KANSL1: variants seen among roughly 807,000 people sequenced by gnomAD.
KANSL1 encodes KAT8 regulatory NSL complex subunit 1.
Under a neutral mutation model 103.6 loss-of-function variants are expected in KANSL1, and 22 were observed. The ratio of observed to expected loss-of-function variants is 0.21; its 90% confidence interval spans 0.15 to 0.30. The LOEUF is 0.30. KANSL1 is among the 10% of genes least tolerant of loss of function. The probability of loss-of-function intolerance (pLI) is 1.00; values close to 1 mark genes in which losing one functional copy is unlikely to be tolerated. For synonymous variants in KANSL1, 600 were observed against 527.6 expected (o/e 1.14, Z -1.88); for missense variants, 1,337 against 1,399.8 (o/e 0.96, Z 0.72).
intron 4 of KANSL1, among the ~76,000 whole-genome samples, chr17:46,077,109 T>C (rs1345878565): frequency 2.0e-5 from 3 of 152,228 alleles, no homozygotes; most frequent in East Asian, 3.8e-4. Context: ...TCAAGTACAG[T>C]AGCATGATCT....
rs181606547 is a variant in KANSL1, at chr17:46,182,102, C to T, written c.-89-9870G>A. Among the ~76,000 whole-genome samples the T allele has an allele frequency of 1.4e-4, 21 of 152,334 alleles. 1 individual carries two copies. The East Asian group carries it at 3.3e-3, about 24-fold the overall frequency. On this transcript the variant is annotated intron_variant, in intron 1 of 14. Transcript: ENST00000432791. ...ATTCCTTAACAGCACCCTTCTTTAG[C>T]GTGCTAACTTTATCGAGAGCTTGGT...
At chr17:46,220,607 CT>C (rs1289322512) in intron 1 of KANSL1, among the ~76,000 whole-genome samples, 2 of 152,294 alleles carry the variant, frequency 1.3e-5, no homozygotes, top group African/African-American at 2.4e-5. Context: ...CTCCTTCCTA[CT>C]CTGTCCTCTA....
chr17:46,137,447 C>T (rs917439054), intron 2 of KANSL1, among the ~76,000 whole-genome samples: 2 of 152,196 alleles, frequency 1.3e-5, no homozygotes, highest in Non-Finnish European at 2.9e-5. Flanking sequence ...AAATGATTCT[C>T]GCAGCCCAGC....
At chr17:46,180,233 C>T (rs183328182) in intron 1 of KANSL1, among the ~76,000 whole-genome samples, 2 of 151,696 alleles carry the variant, frequency 1.3e-5, no homozygotes, top group East Asian at 2.0e-4. Context: ...CAGTGGCTCA[C>T]GCCTGCAATC....
Position 46,032,996 on chromosome 17 carries a change from G to T in KANSL1, c.2837+84C>A. On this transcript the variant is annotated intron_variant, in intron 13 of 14. Transcript: ENST00000432791. ...TATGATGAGCAACCAAGAGGCAGTA[G>T]CAATTCCATGGACTCAAGTAGGGCC... 5 of 1,022,074 alleles carry T rather than the reference G, an allele frequency of 4.9e-6. No individual in the cohort carries two copies. In the East Asian group the frequency reaches 1.0e-4, roughly 21 times the overall value. 63.3% of individuals were successfully genotyped at this position (1,022,074 alleles called of 1,614,324 possible). A position where few individuals can be genotyped will look rare whatever the true frequency, so the allele number is the denominator to read the frequency against.
intron 6 of KANSL1, among the ~76,000 whole-genome samples, chr17:46,062,345 A>G (rs1430612117): frequency 1.4e-5 from 2 of 147,866 alleles, no homozygotes; most frequent in African/African-American, 2.5e-5. Context: ...TACAAGTGAT[A>G]TAACAACAGC....
intron 2 of KANSL1, among the ~76,000 whole-genome samples, chr17:46,147,441 G>A (rs1379636735): frequency 3.9e-5 from 6 of 152,124 alleles, no homozygotes; most frequent in Admixed American, 3.9e-4. Context: ...AGATGTGGTA[G>A]CATGCGCCTG....
chr17:46,101,295 G>A (rs2042302911), intron 2 of KANSL1, among the ~76,000 whole-genome samples: 1 of 152,134 alleles, frequency 6.6e-6, no homozygotes, highest in African/African-American at 2.4e-5. Context: ...GTGAAACAGA[G>A]GGAAGATCAG....
At chr17:46,090,751 T>C (rs1009288747) in intron 3 of KANSL1, among the ~76,000 whole-genome samples, 2 of 152,224 alleles carry the variant, frequency 1.3e-5, no homozygotes, top group African/African-American at 2.4e-5. Context: ...GATGGTCTTA[T>C]AAGATTTTAA....
chr17:46,099,159 T>C lies in KANSL1; in HGVS notation c.1290-4458A>G, dbSNP rs1278245825. Among the ~76,000 whole-genome samples, 6 of 140,362 alleles carry C rather than the reference T, an allele frequency of 4.3e-5. 1 individual carries two copies. The highest frequency in any genetic ancestry group is 9.9e-5 in the Non-Finnish European group (6 of 60,784). 92.1% of individuals were successfully genotyped at this position (140,362 alleles called of 152,430 possible). A position where few individuals can be genotyped will look rare whatever the true frequency, so the allele number is the denominator to read the frequency against. ...TAACACGGTGAAACCCCGTCTCTAC[T>C]AAAAATACAAAAAAATTAGCCGGGC... On this transcript the variant is annotated intron_variant, in intron 2 of 14. Coordinates refer to ENST00000432791, the MANE Select transcript of KANSL1 (RefSeq NM_015443.4).
chr17:46,169,022 G>GTA (rs1357168042), intron 2 of KANSL1, among the ~76,000 whole-genome samples: 2 of 152,192 alleles, frequency 1.3e-5, no homozygotes, highest in African/African-American at 2.4e-5. Context: ...TCAATGCAAC[G>GTA]TATCCTGAAA....
chr17:46,078,380 G>A (rs2078864390), intron 4 of KANSL1, among the ~76,000 whole-genome samples: 1 of 152,148 alleles, frequency 6.6e-6, no homozygotes, highest in African/African-American at 2.4e-5. Context: ...TTTCCACTAT[G>A]CCCTATAAAA....
At chr17:46,043,981 C>A (rs2077413927) in intron 7 of KANSL1, 1 of 147,628 alleles carries the variant, frequency 6.8e-6, no homozygotes. Flanking sequence ...AGTTAGATCC[C>A]CCAGTCAGTA....
chr17:46,091,529 C>T (rs181790137), intron 3 of KANSL1, among the ~76,000 whole-genome samples: 24 of 152,208 alleles, frequency 1.6e-4, no homozygotes, highest in Admixed American at 3.9e-4. Context: ...CTTCACCCAC[C>T]GACTCACCCA....
chr17:46,067,580 C>T lies in KANSL1; in HGVS notation c.1621G>A (p.Ala541Thr). 7 of 1,605,174 alleles carry T rather than the reference C, an allele frequency of 4.4e-6. No homozygotes were observed. Among genetic ancestry groups the T allele is most frequent in the Non-Finnish European group, 6.0e-6 (7 of 1,171,860 alleles). The stretch of plus-strand genomic sequence containing the variant: ...ATAACTCCATTGACAGGTCTGAGTG[C>T]TCCACATGATTTGGTAGACAGTGAC... The part of the protein sequence containing the change: ...SESLSTKSCG[A>T]LRPVNGVINT... The change falls in exon 5 of 15, where the codon GCA becomes ACA. Residue 541 changes from alanine (A) to threonine (T), a missense_variant. By Grantham distance (58) the Ala-to-Thr change is moderately conservative (BLOSUM62 0). This residue lies in a region of KANSL1 where 780 missense variants were observed against 923.4 expected (regional missense o/e 0.84). Transcript: ENST00000432791.
chr17:46,158,614 C>T (rs2045564944), intron 2 of KANSL1, among the ~76,000 whole-genome samples: 1 of 152,234 alleles, frequency 6.6e-6, no homozygotes, highest in African/African-American at 2.4e-5. Flanking sequence ...AATCTCAGCT[C>T]ACTGTAACCT....
At chr17:46,113,175 C>A (rs971908225) in intron 2 of KANSL1, among the ~76,000 whole-genome samples, 1 of 152,224 alleles carries the variant, frequency 6.6e-6, no homozygotes, top group Non-Finnish European at 1.5e-5. Context: ...CATACTACAA[C>A]ACAGGACAGT....
intron 6 of KANSL1, among the ~76,000 whole-genome samples, chr17:46,062,016 C>T (rs1312559733): frequency 2.8e-5 from 4 of 144,692 alleles, no homozygotes; most frequent in East Asian, 4.2e-4. Context: ...TGCTTGAACC[C>T]GGGAGGCGGA....
chr17:46,040,202 G>A (rs2146373963), intron 7 of KANSL1: 1 of 365,348 alleles, frequency 2.7e-6, no homozygotes, highest in East Asian at 5.0e-5. Flanking sequence ...TTCTATTCTA[G>A]AGATTTAAAA....
Sources: gnomAD v4.1 joint callset for allele counts (sites outside exome capture counted in the v4.1 genomes callset) on GRCh38, gnomAD v4.1.1 for gene constraint, gnomAD v4.1.1 regional missense constraint, MANE v1.5 for transcripts, NCBI Gene and HGNC (gene_info 2026-07-23, HGNC 2026-07-21) for gene names.